The following QTGAL variants were observed in gnomAD, a reference collection of about 807,000 sequenced individuals.
QTGAL encodes queuosine-tRNA galactosyltransferase, also known as BGnT-like protein 1.
the QTGAL span, among the ~76,000 whole-genome samples, chr17:82,997,928 A>AT: frequency 0.034 from 2,680 of 78,234 alleles, 81 homozygotes; most frequent in African/African-American, 0.087. Context: ...TTTAAAAAAA[A>AT]AAATATATAT....
chr17:82,960,778 G>A, the QTGAL span, among the ~76,000 whole-genome samples: 1 of 152,240 alleles, frequency 6.6e-6, no homozygotes, highest in Non-Finnish European at 1.5e-5. Flanking sequence ...GTTTCAGAAG[G>A]ACCCGGCGCG....
At chr17:83,041,195 T>C in the QTGAL span, among the ~76,000 whole-genome samples, 1 of 151,962 alleles carries the variant, frequency 6.6e-6, no homozygotes, top group Admixed American at 6.5e-5. Context: ...AGTCTGAATC[T>C]GAAAATGGAG....
At chr17:83,010,743 T>C in the QTGAL span, among the ~76,000 whole-genome samples, 7 of 152,214 alleles carry the variant, frequency 4.6e-5, no homozygotes, top group Admixed American at 6.5e-5. Context: ...TCGGCTGCCG[T>C]GCCGTCTGGA....
the QTGAL span, among the ~76,000 whole-genome samples, chr17:83,028,257 G>A: frequency 6.6e-6 from 1 of 152,058 alleles, no homozygotes; most frequent in Admixed American, 6.5e-5. Flanking sequence ...GGGCGCGGTG[G>A]CTCACACCTG....
chr17:83,028,385 G>A, the QTGAL span, among the ~76,000 whole-genome samples: 6 of 150,934 alleles, frequency 4.0e-5, no homozygotes, highest in South Asian at 2.1e-4. Context: ...TTAGCCGGGC[G>A]AGGTGGCGGG....
chr17:82,965,282 G>T, the QTGAL span, among the ~76,000 whole-genome samples: 3 of 151,830 alleles, frequency 2.0e-5, no homozygotes, highest in East Asian at 1.9e-4. Context: ...TGCACCCCCG[G>T]GGGGAGGATG....
At chr17:83,012,523 A>G in the QTGAL span, among the ~76,000 whole-genome samples, 2 of 152,204 alleles carry the variant, frequency 1.3e-5, no homozygotes, top group African/African-American at 4.8e-5. Flanking sequence ...CACCTCACAT[A>G]CGGACGGCTC....
At chr17:83,028,300 G>A in the QTGAL span, among the ~76,000 whole-genome samples, 86 of 151,654 alleles carry the variant, frequency 5.7e-4, no homozygotes, top group Admixed American at 1.5e-3. Flanking sequence ...CGAGGCGGGC[G>A]GATCACGAGG....
chr17:82,959,226 C>T, the QTGAL span, among the ~76,000 whole-genome samples: 1 of 151,710 alleles, frequency 6.6e-6, no homozygotes, highest in South Asian at 2.1e-4. Flanking sequence ...CCTGTATGTA[C>T]TGTGTGGATG....
chr17:83,033,377 G>A, the QTGAL span, among the ~76,000 whole-genome samples: 1 of 152,118 alleles, frequency 6.6e-6, no homozygotes, highest in African/African-American at 2.4e-5. Context: ...GAAGGAAGCT[G>A]AGGAGTGAAG....
At chr17:83,034,219 C>T in the QTGAL span, among the ~76,000 whole-genome samples, 29 of 152,300 alleles carry the variant, frequency 1.9e-4, no homozygotes, top group African/African-American at 6.0e-4. Flanking sequence ...GGATTACAGG[C>T]GTGAGCCACC....
chr17:82,950,793 A>G, the QTGAL span, among the ~76,000 whole-genome samples: 1 of 152,190 alleles, frequency 6.6e-6, no homozygotes, highest in African/African-American at 2.4e-5. Flanking sequence ...GAGCAGTCGT[A>G]TTTTGAAAGG....
At chr17:83,023,372 T>C in the QTGAL span, among the ~76,000 whole-genome samples, 1 of 151,052 alleles carries the variant, frequency 6.6e-6, no homozygotes, top group Non-Finnish European at 1.5e-5. Flanking sequence ...CCGGCCCACC[T>C]GCACCAGCAT....
At chr17:82,978,721 T>C in the QTGAL span, 1 of 152,202 alleles carries the variant, frequency 6.6e-6, no homozygotes, top group Non-Finnish European at 1.5e-5. The surrounding 1 kb of genome is among the most constrained non-coding windows in gnomAD (Gnocchi z 4.8). Flanking sequence ...TTGGACCAGT[T>C]GAAGCTGGGA....
the QTGAL span, among the ~76,000 whole-genome samples, chr17:82,974,488 C>T: frequency 6.6e-6 from 1 of 152,218 alleles, no homozygotes; most frequent in African/African-American, 2.4e-5. Context: ...GACTTGGTGC[C>T]TCCCCAAGGG....
chr17:83,038,659 C>A, the QTGAL span, among the ~76,000 whole-genome samples: 1 of 152,162 alleles, frequency 6.6e-6, no homozygotes, highest in Non-Finnish European at 1.5e-5. Context: ...GAGATCGAGA[C>A]CATCCTGGCT....
the QTGAL span, chr17:82,946,841 G>T: frequency 3.4e-6 from 5 of 1,463,740 alleles, no homozygotes; most frequent in Non-Finnish European, 4.7e-6. Context: ...ACATAATAAA[G>T]AAACAAACCC....
the QTGAL span, among the ~76,000 whole-genome samples, chr17:83,031,285 G>A: frequency 6.6e-6 from 1 of 151,224 alleles, no homozygotes; most frequent in African/African-American, 2.4e-5. Flanking sequence ...CCAGAGTCAC[G>A]TTTTCCAGCG....
the QTGAL span, among the ~76,000 whole-genome samples, chr17:83,024,241 C>T: frequency 0.038 from 5,757 of 152,238 alleles, 165 homozygotes; most frequent in African/African-American, 0.08. Flanking sequence ...CAGGTGGTCC[C>T]GGCCACAGCT....
Sources: gnomAD v4.1 joint callset for allele counts (sites outside exome capture counted in the v4.1 genomes callset) on GRCh38, gnomAD v4.1.1 for gene constraint, Gnocchi (gnomAD v3.1) non-coding constraint, MANE v1.5 for transcripts, NCBI Gene and HGNC (gene_info 2026-07-23, HGNC 2026-07-21) for gene names.